LRRC4C: variants seen among roughly 807,000 people sequenced by gnomAD.
LRRC4C encodes the protein leucine rich repeat containing 4C.
Under a neutral mutation model 33.6 loss-of-function variants are expected in LRRC4C, and 5 were observed. That is an observed-to-expected ratio of 0.15 (90% CI 0.08 to 0.31). The LOEUF is 0.31. Ranked by LOEUF, LRRC4C falls within the 10% of genes least tolerant of loss-of-function variation. The pLI is 1.00. For missense variants in LRRC4C, 560 were observed against 796.7 expected, an observed-to-expected ratio of 0.70 and a Z score of 3.58; for synonymous variants, 329 against 302.0, an observed-to-expected ratio of 1.09 and a Z score of -0.93.
chr11:40,470,360 C>T (rs928470688), intron 3 of LRRC4C, among the ~76,000 whole-genome samples: 1 of 152,154 alleles, frequency 6.6e-6, no homozygotes, highest in African/African-American at 2.4e-5. Context: ...AGGACATCCA[C>T]ACAAAAACCC....
intron 2 of LRRC4C, among the ~76,000 whole-genome samples, chr11:40,840,045 A>G (rs999380179): frequency 6.6e-5 from 10 of 152,196 alleles, no homozygotes; most frequent in African/African-American, 2.4e-4. Context: ...AAGATCTTAC[A>G]CAGAAACTAA....
intron 3 of LRRC4C, among the ~76,000 whole-genome samples, chr11:40,534,144 A>G (rs1312952154): frequency 1.3e-5 from 2 of 152,122 alleles, no homozygotes; most frequent in African/African-American, 4.8e-5. Context: ...TGAGGATTAT[A>G]GTGTTTACTG....
intron 3 of LRRC4C, among the ~76,000 whole-genome samples, chr11:40,324,123 T>C (rs1334235818): frequency 6.6e-6 from 1 of 152,198 alleles, no homozygotes; most frequent in Admixed American, 6.5e-5. Flanking sequence ...CATAGAAGTG[T>C]GAATGTAACA....
chr11:40,125,793 A>G (rs954504615), intron 6 of LRRC4C, among the ~76,000 whole-genome samples: 5 of 152,210 alleles, frequency 3.3e-5, no homozygotes, highest in Non-Finnish European at 7.3e-5. Flanking sequence ...TAGAATACAC[A>G]GGAGAAAAAA....
intron 2 of LRRC4C, among the ~76,000 whole-genome samples, chr11:40,679,495 GC>G (rs1176841897): frequency 6.6e-6 from 1 of 152,114 alleles, no homozygotes; most frequent in African/African-American, 2.4e-5. Flanking sequence ...AAGTTTAGGA[GC>G]AAAAAATTGT....
chr11:41,147,724 A>T (rs1943790719), intron 1 of LRRC4C, among the ~76,000 whole-genome samples: 1 of 152,202 alleles, frequency 6.6e-6, no homozygotes, highest in South Asian at 2.1e-4. Context: ...CACAACAAAC[A>T]AATACTCAAA....
At chr11:41,158,534 C>T (rs532211025) in intron 1 of LRRC4C, among the ~76,000 whole-genome samples, 1 of 152,212 alleles carries the variant, frequency 6.6e-6, no homozygotes, top group East Asian at 1.9e-4. Context: ...CACTCAGCCA[C>T]CGCTCCTTCT....
chr11:40,300,220 A>G (rs1311324997), intron 4 of LRRC4C, among the ~76,000 whole-genome samples: 1 of 152,168 alleles, frequency 6.6e-6, no homozygotes, highest in Non-Finnish European at 1.5e-5. Flanking sequence ...AAATCTGCCT[A>G]CATGATCCAG....
intron 3 of LRRC4C, among the ~76,000 whole-genome samples, chr11:40,585,277 C>G (rs1053392708): frequency 6.6e-6 from 1 of 152,114 alleles, no homozygotes; most frequent in Admixed American, 6.5e-5. Context: ...CCTCTGCCCA[C>G]CCTACATCAC....
intron 3 of LRRC4C, among the ~76,000 whole-genome samples, chr11:40,590,647 TG>T (rs1295395152): frequency 2.0e-5 from 3 of 150,904 alleles, no homozygotes; most frequent in African/African-American, 7.3e-5. Context: ...GATGTACAGA[TG>T]GGTTTTTGGT....
chr11:41,027,931 A>G (rs1856487242), intron 1 of LRRC4C, among the ~76,000 whole-genome samples: 1 of 151,722 alleles, frequency 6.6e-6, no homozygotes, highest in African/African-American at 2.4e-5. Flanking sequence ...TATAAAAATT[A>G]AAGTATTAAT....
intron 2 of LRRC4C, among the ~76,000 whole-genome samples, chr11:40,877,172 C>T (rs572332747): frequency 5.9e-5 from 9 of 151,922 alleles, no homozygotes; most frequent in African/African-American, 1.5e-4. Context: ...GATGATACAG[C>T]GTAGAGGCTC....
chr11:40,974,382 C>T (rs554478358), intron 1 of LRRC4C, among the ~76,000 whole-genome samples: 144 of 152,278 alleles, frequency 9.5e-4, no homozygotes, highest in Non-Finnish European at 1.5e-3. Flanking sequence ...TGCACCTTAA[C>T]ATTCAGTGTA....
intron 3 of LRRC4C, among the ~76,000 whole-genome samples, chr11:40,469,148 G>T (rs2138268068): frequency 6.6e-6 from 1 of 152,328 alleles, no homozygotes; most frequent in Admixed American, 6.5e-5. Flanking sequence ...AACGCAGAAG[G>T]TGGGTGATTT....
At chr11:40,902,113 G>A (rs1956236266) in intron 2 of LRRC4C, among the ~76,000 whole-genome samples, 1 of 150,222 alleles carries the variant, frequency 6.7e-6, no homozygotes, top group Admixed American at 6.7e-5. Context: ...TTTACATTTT[G>A]GAATTTTGTG....
chr11:41,295,398 A>G (rs1199629686), intron 1 of LRRC4C, among the ~76,000 whole-genome samples: 5 of 152,186 alleles, frequency 3.3e-5, no homozygotes, highest in African/African-American at 4.8e-5. Flanking sequence ...TTAGCAATAT[A>G]CAACTCCTAT....
At chr11:41,442,735 C>T (rs1338716136) in intron 1 of LRRC4C, among the ~76,000 whole-genome samples, 1 of 152,032 alleles carries the variant, frequency 6.6e-6, no homozygotes, top group Non-Finnish European at 1.5e-5. Flanking sequence ...TCCCAAAGTG[C>T]TGGGATTACA....
At chr11:40,597,472 A>G (rs1016285935) in intron 3 of LRRC4C, among the ~76,000 whole-genome samples, 1 of 152,152 alleles carries the variant, frequency 6.6e-6, no homozygotes, top group African/African-American at 2.4e-5. Flanking sequence ...ATTGTCTATC[A>G]TCAATCCATC....
intron 1 of LRRC4C, among the ~76,000 whole-genome samples, chr11:41,074,479 C>A (rs1254862599): frequency 6.6e-6 from 1 of 152,162 alleles, no homozygotes. Context: ...CCATACAGAG[C>A]AAGCCCTGTT....
Sources: gnomAD v4.1 joint callset for allele counts (sites outside exome capture counted in the v4.1 genomes callset) on GRCh38, gnomAD v4.1.1 for gene constraint, MANE v1.5 for transcripts, NCBI Gene and HGNC (gene_info 2026-07-23, HGNC 2026-07-21) for gene names.